The following COMMD1 variants were observed in gnomAD, a reference collection of about 807,000 sequenced individuals.
The protein encoded by COMMD1 is copper metabolism domain containing 1.
COMMD1 carries 10 observed loss-of-function variants against 17.2 expected under a neutral mutation model. The ratio of observed to expected loss-of-function variants is 0.58; its 90% confidence interval spans 0.36 to 0.99. The LOEUF (loss-of-function observed/expected upper bound fraction) is 0.99. Among genes scored for constraint, COMMD1 ranks in the 50% least tolerant of loss-of-function variants. The pLI is 0.01. For synonymous variants in COMMD1, 97 were observed against 91.6 expected (o/e 1.06, Z -0.34); for missense variants, 270 against 231.8 (o/e 1.17, Z -1.07).
intron 2 of COMMD1, among the ~76,000 whole-genome samples, chr2:62,023,674 G>A (rs971372056): frequency 6.6e-6 from 1 of 152,128 alleles, no homozygotes; most frequent in East Asian, 1.9e-4. Context: ...TAGTAGAGAC[G>A]GGGTTTCACC....
At chr2:62,064,580 G>A (rs2103947608) in intron 2 of COMMD1, among the ~76,000 whole-genome samples, 1 of 152,222 alleles carries the variant, frequency 6.6e-6, no homozygotes, top group East Asian at 1.9e-4. Context: ...CTTTTGCTGA[G>A]GAGAAAGCTC....
chr2:61,939,435 C>G (rs1670683736), intron 1 of COMMD1, among the ~76,000 whole-genome samples: 1 of 151,122 alleles, frequency 6.6e-6, no homozygotes, highest in African/African-American at 2.4e-5. Flanking sequence ...CACTGCACTC[C>G]AGCCTGGGCG....
chr2:62,051,957 T>C (rs1010297135), intron 2 of COMMD1, among the ~76,000 whole-genome samples: 1 of 152,174 alleles, frequency 6.6e-6, no homozygotes, highest in African/African-American at 2.4e-5. Flanking sequence ...CCACATTATA[T>C]TGGAAGAATA....
At chr2:62,103,800 A>G (rs187128297) in intron 2 of COMMD1, among the ~76,000 whole-genome samples, 48 of 152,328 alleles carry the variant, frequency 3.2e-4, no homozygotes, top group South Asian at 1.2e-3. Flanking sequence ...TATCATCTAT[A>G]GTAAATTATT....
At chr2:61,965,373 A>C (rs1671478796) in intron 1 of COMMD1, among the ~76,000 whole-genome samples, 1 of 152,184 alleles carries the variant, frequency 6.6e-6, no homozygotes, top group African/African-American at 2.4e-5. Flanking sequence ...GACTGTTTGG[A>C]TTAACAGTGT....
intron 1 of COMMD1, among the ~76,000 whole-genome samples, chr2:61,897,592 A>T (rs1000652988): frequency 6.6e-6 from 1 of 152,140 alleles, no homozygotes; most frequent in African/African-American, 2.4e-5. Context: ...TACTAAAAAT[A>T]CAAAAAATTA....
At chr2:62,128,962 A>AG (rs1302062562) in intron 2 of COMMD1, among the ~76,000 whole-genome samples, 1 of 152,100 alleles carries the variant, frequency 6.6e-6, no homozygotes, top group East Asian at 1.9e-4. Context: ...AAAAAAAAAA[A>AG]AAAAAAATCA....
intron 2 of COMMD1, among the ~76,000 whole-genome samples, chr2:62,083,271 A>T (rs1416490683): frequency 6.6e-6 from 1 of 150,756 alleles, no homozygotes; most frequent in Non-Finnish European, 1.5e-5. Context: ...TCAATTGAGA[A>T]AAAAAAAAAA....
intron 2 of COMMD1, among the ~76,000 whole-genome samples, chr2:62,038,155 G>A (rs1301179723): frequency 6.6e-6 from 1 of 152,112 alleles, no homozygotes; most frequent in Non-Finnish European, 1.5e-5. Flanking sequence ...GGGCGTGGTG[G>A]CATGCACCTG....
In COMMD1 at chr2:61,953,323, A is replaced by G. The variant is rs111813367; in HGVS notation, c.181-47378A>G. Among the ~76,000 whole-genome samples the G allele has an allele frequency of 5.9e-3, 819 of 138,778 alleles. 10 individuals carry two copies. The highest frequency in any genetic ancestry group is 0.02 in the African/African-American group (733 of 37,410). 91.0% of individuals were successfully genotyped at this position (138,778 alleles called of 152,430 possible). On this transcript the variant is annotated intron_variant, in intron 1 of 2. Transcript: ENST00000311832. ...CCACCATACCCAGCCTAGTTTTTAT[A>G]TTTCTGAGAGTTTTAGGATTATTTA...
At chr2:61,948,290 A>T (rs550193240) in intron 1 of COMMD1, among the ~76,000 whole-genome samples, 1 of 152,272 alleles carries the variant, frequency 6.6e-6, no homozygotes, top group South Asian at 2.1e-4. Flanking sequence ...AACAATATTA[A>T]ACTATTTTTT....
intron 1 of COMMD1, among the ~76,000 whole-genome samples, chr2:61,889,925 C>CT (rs1669383528): frequency 6.6e-6 from 1 of 152,168 alleles, no homozygotes; most frequent in Admixed American, 6.6e-5. Flanking sequence ...TAATCCTTTA[C>CT]TTAAAAGGTG....
intron 1 of COMMD1, among the ~76,000 whole-genome samples, chr2:61,959,116 C>T (rs893752089): frequency 6.6e-6 from 1 of 152,158 alleles, no homozygotes; most frequent in Non-Finnish European, 1.5e-5. Flanking sequence ...AGAGTGTTTA[C>T]ATCTCCTTTT....
chr2:62,011,937 A>G (rs1032661985), intron 2 of COMMD1, among the ~76,000 whole-genome samples: 1 of 152,210 alleles, frequency 6.6e-6, no homozygotes, highest in African/African-American at 2.4e-5. Context: ...GTTTATGAAC[A>G]TATCTTTGCA....
intron 2 of COMMD1, among the ~76,000 whole-genome samples, chr2:62,080,444 G>A (rs899698411): frequency 1.4e-4 from 21 of 152,116 alleles, no homozygotes; most frequent in African/African-American, 5.1e-4. Flanking sequence ...TTGTTCGTTG[G>A]TGCCTGAGAT....
At chr2:62,070,767 C>T (rs189985685) in intron 2 of COMMD1, among the ~76,000 whole-genome samples, 266 of 152,330 alleles carry the variant, frequency 1.7e-3, no homozygotes, top group East Asian at 8.3e-3. Flanking sequence ...CAGTGGCTCA[C>T]GCCTATAATC....
At chr2:62,058,635 AG>A (rs1215480554) in intron 2 of COMMD1, among the ~76,000 whole-genome samples, 4 of 151,924 alleles carry the variant, frequency 2.6e-5, no homozygotes, top group African/African-American at 4.8e-5. Context: ...GCTACTTGAG[AG>A]GCTGAGGTAA....
intron 2 of COMMD1, among the ~76,000 whole-genome samples, chr2:62,057,257 C>T (rs1162203066): frequency 6.6e-6 from 1 of 152,078 alleles, no homozygotes; most frequent in East Asian, 1.9e-4. Context: ...TCCCTGGTGC[C>T]AAAAAGGTTG....
chr2:61,935,583 G>T (rs1165933948), intron 1 of COMMD1, among the ~76,000 whole-genome samples: 1 of 150,340 alleles, frequency 6.7e-6, no homozygotes, highest in Non-Finnish European at 1.5e-5. Context: ...AGCCGACCGA[G>T]ATCACACTGC....
Sources: allele counts gnomAD v4.1 joint callset (sites outside exome capture counted in the v4.1 genomes callset), GRCh38; gene constraint gnomAD v4.1.1; transcripts MANE v1.5; gene names NCBI Gene and HGNC (gene_info 2026-07-23, HGNC 2026-07-21).